BNC2: variants seen among roughly 807,000 people sequenced by gnomAD.
BNC2 encodes the protein basonuclin zinc finger protein 2, also known as zinc finger protein basonuclin-2.
In BNC2, 20 loss-of-function variants were observed where a neutral mutation model predicts 76.3. That is an observed-to-expected ratio of 0.26 (90% confidence interval 0.18 to 0.38). The LOEUF (loss-of-function observed/expected upper bound fraction) is 0.38. Ranked by LOEUF, BNC2 falls within the 10% of genes least tolerant of loss-of-function variation. BNC2 has a pLI of 1.00. For missense variants in BNC2, 1,382 were observed against 1,399.8 expected (o/e 0.99, Z 0.20); for synonymous variants, 582 against 514.8 (o/e 1.13, Z -1.77).
chr9:16,697,302 G>T (rs934303254), intron 3 of BNC2, among the ~76,000 whole-genome samples: 15 of 151,970 alleles, frequency 9.9e-5, no homozygotes, highest in Admixed American at 6.6e-5. Flanking sequence ...CCGAGATTGC[G>T]CCACTGAACT....
At chr9:16,616,422 C>T (rs1388727616) in intron 3 of BNC2, among the ~76,000 whole-genome samples, 2 of 151,766 alleles carry the variant, frequency 1.3e-5, no homozygotes, top group African/African-American at 4.8e-5. Flanking sequence ...AGAGGCCAGA[C>T]ATGGTAGCTC....
In BNC2 at chr9:16,568,772, T is replaced by C. The variant is rs113340086; in HGVS notation, c.433+14211A>G. ...TGACACATTAAAACTTTTTAGTGAA[T>C]CAGGAGATCGTGAAGGCAGGCAACA... On this transcript the variant is annotated intron_variant, in intron 4 of 6. Coordinates refer to ENST00000380672, the MANE Select transcript of BNC2 (RefSeq NM_017637.6). 3.7e-3 allele frequency among the ~76,000 whole-genome samples: 560 copies of C among 152,252 alleles called. 3 individuals are homozygous for C. The highest frequency in any genetic ancestry group is 0.013 in the African/African-American group (522 of 41,554).
intron 3 of BNC2, among the ~76,000 whole-genome samples, chr9:16,653,442 A>G (rs1821845000): frequency 6.6e-6 from 1 of 152,150 alleles, no homozygotes; most frequent in African/African-American, 2.4e-5. Flanking sequence ...CCTTCAGTTT[A>G]TCTCACGGAC....
rs1819092770 is a variant in BNC2 at position 16,850,158 on chromosome 9, C to G, written c.3+20488G>C. On this transcript the variant is annotated intron_variant, in intron 1 of 6. Coordinates refer to ENST00000380672, the MANE Select transcript of BNC2 (RefSeq NM_017637.6). Reference sequence around the variant, plus strand: ...CTTAGTTAAAACTTTTCTTGATATCCTTTGCCTTTAGAAGCCTTCTCAGGC... The same window carrying G: ...CTTAGTTAAAACTTTTCTTGATATCGTTTGCCTTTAGAAGCCTTCTCAGGC... 3.3e-5 allele frequency among the ~76,000 whole-genome samples: 5 copies of G among 152,248 alleles called. No homozygotes were observed. The South Asian group carries it at 1.0e-3, about 32-fold the overall frequency.
In BNC2 at chr9:16,419,552, G is replaced by A. The variant is rs201906895; in HGVS notation, c.2737C>T (p.Arg913Cys). ...TATATCTTCACCAAAAATTCATCGC[G>A]GAGGTCCTTGCTAAGGGAGGGCTGC... Reference protein sequence around the residue: ...SSQPSLSKDLRDEFLVKIYGA... With the variant: ...SSQPSLSKDLCDEFLVKIYGA... Residue 913 changes from arginine to cysteine, a missense_variant, in exon 7 of 7, where the codon CGC becomes TGC. Arg to Cys is a radical substitution (Grantham distance 180). Coordinates refer to ENST00000380672, the MANE Select transcript of BNC2 (RefSeq NM_017637.6). 40 of 1,613,810 alleles carry A rather than the reference G, an allele frequency of 2.5e-5. No individual in the cohort carries two copies. The East Asian group carries it at 3.1e-4, about 13-fold the overall frequency.
chr9:16,515,808 TA>T (rs993631378), intron 5 of BNC2, among the ~76,000 whole-genome samples: 12 of 148,968 alleles, frequency 8.1e-5, no homozygotes, highest in South Asian at 2.1e-4. Flanking sequence ...AATTCCATGC[TA>T]AAAAAAAGAT....
intron 3 of BNC2, among the ~76,000 whole-genome samples, chr9:16,665,437 A>AGAAAGAAAGAAAGAAG (rs1353779063): frequency 6.2e-4 from 43 of 68,918 alleles, no homozygotes; most frequent in African/African-American, 2.6e-3. Context: ...AGGAAAGAAA[A>AGAAAGAAAGAAAGAAG]GAAAGAAAGA....
At chr9:16,599,942 C>T (rs1820200128) in intron 3 of BNC2, among the ~76,000 whole-genome samples, 2 of 152,172 alleles carry the variant, frequency 1.3e-5, no homozygotes, top group African/African-American at 4.8e-5. Context: ...ACCAAATACA[C>T]ACAAACCAGC....
rs543515234 is a variant in BNC2, at chr9:16,411,687, A to G, written c.*7302T>C. ...TTCCCAGTCCCCACACTGGTTCATG[A>G]AATTATTTAGCACAGATTTGTCAAC... On this transcript the variant is annotated 3_prime_UTR_variant, in exon 7 of 7. Coordinates refer to ENST00000380672, the MANE Select transcript of BNC2 (RefSeq NM_017637.6). 52 of 152,702 alleles carry G rather than the reference A, an allele frequency of 3.4e-4. No individual in the cohort carries two copies. The highest frequency in any genetic ancestry group is 1.2e-3 in the African/African-American group (49 of 41,558). The allele number at this position is 152,702 out of a possible 1,614,324, so 9.5% of individuals were successfully genotyped here.
At chr9:16,485,233 T>A (rs758507042) in intron 5 of BNC2, among the ~76,000 whole-genome samples, 1 of 152,124 alleles carries the variant, frequency 6.6e-6, no homozygotes, top group African/African-American at 2.4e-5. Context: ...CTCATAACCA[T>A]CTAATACAAT....
chr9:16,748,184 A>T (rs1825065831), intron 1 of BNC2, among the ~76,000 whole-genome samples: 1 of 152,176 alleles, frequency 6.6e-6, no homozygotes, highest in Non-Finnish European at 1.5e-5. Context: ...TACTTCTAAA[A>T]TGGGGCTAAG....
chr9:16,786,790 G>A (rs1343318980), intron 1 of BNC2, among the ~76,000 whole-genome samples: 1 of 152,094 alleles, frequency 6.6e-6, no homozygotes, highest in East Asian at 1.9e-4. Flanking sequence ...ACAAAGAGTG[G>A]CATCCTCAAG....
In BNC2 at chr9:16,459,081, T is replaced by A. The variant is rs529334998; in HGVS notation, c.670-21557A>T. Among the ~76,000 whole-genome samples, 12 of 152,234 alleles carry A rather than the reference T, an allele frequency of 7.9e-5. No homozygotes were observed. The East Asian group carries it at 2.1e-3, about 27-fold the overall frequency. ...CCATTAATCAAGAAGAAATCCTTAT[T>A]TAAGGGAAAAAAGAAACAATTATAG... is the stretch of plus-strand genomic sequence containing the variant. On this transcript the variant is annotated intron_variant, in intron 5 of 6. Transcript: ENST00000380672.
intron 3 of BNC2, among the ~76,000 whole-genome samples, chr9:16,680,152 C>A (rs1822779457): frequency 6.6e-6 from 1 of 152,104 alleles, no homozygotes. Flanking sequence ...ATTTTGGCAA[C>A]TTGTGGTAAA....
intron 1 of BNC2, among the ~76,000 whole-genome samples, chr9:16,826,783 T>C (rs1818461510): frequency 6.6e-6 from 1 of 152,022 alleles, no homozygotes; most frequent in African/African-American, 2.4e-5. Context: ...CAACAAACTA[T>C]GGAAAATAGC....
At chr9:16,538,938 G>A (rs966471232) in intron 5 of BNC2, among the ~76,000 whole-genome samples, 1 of 152,108 alleles carries the variant, frequency 6.6e-6, no homozygotes, top group African/African-American at 2.4e-5. Context: ...CATACCCAGT[G>A]ATCTCCCCTT....
chr9:16,436,378 G>A lies in BNC2; in HGVS notation c.1816C>T (p.Pro606Ser), dbSNP rs1354503587. 3.2e-5 allele frequency: 51 copies of A among 1,614,040 alleles called. No individual in the cohort carries two copies. The highest frequency in any genetic ancestry group is 4.3e-5 in the Non-Finnish European group (51 of 1,180,038). Residue 606 changes from proline to serine, a missense_variant, in exon 6 of 7, where the codon CCG becomes TCG. Around this residue, in one of 3 missense-constraint regions of BNC2, gnomAD observed 798 missense variants for 775.5 expected, o/e 1.03. Coordinates refer to ENST00000380672, the MANE Select transcript of BNC2 (RefSeq NM_017637.6). The stretch of plus-strand genomic sequence containing the variant: ...GGCACTACTGGCTCAGAGGGTGGCG[G>A]GGGGTGCTGCTCTATGGTACCACTG... Reference protein sequence around the residue: ...PTSGTIEQHPPPPSEPVVPAV... With the variant: ...PTSGTIEQHPSPPSEPVVPAV...
intron 5 of BNC2, among the ~76,000 whole-genome samples, chr9:16,439,112 T>C (rs1411508036): frequency 1.3e-5 from 2 of 152,176 alleles, no homozygotes; most frequent in African/African-American, 4.8e-5. Flanking sequence ...AAGATGTGAC[T>C]TTGCTCCTCC....
At chr9:16,510,998 G>C (rs944904889) in intron 5 of BNC2, among the ~76,000 whole-genome samples, 1 of 151,794 alleles carries the variant, frequency 6.6e-6, no homozygotes, top group Non-Finnish European at 1.5e-5. Flanking sequence ...ACACACATTT[G>C]TTCCACAAAA....
Sources: allele counts gnomAD v4.1 joint callset (sites outside exome capture counted in the v4.1 genomes callset), GRCh38; gene constraint gnomAD v4.1.1; regional missense constraint gnomAD v4.1.1; transcripts MANE v1.5; gene names NCBI Gene and HGNC (gene_info 2026-07-23, HGNC 2026-07-21).